The following NHSL2 variants were observed in gnomAD, a reference collection of about 807,000 sequenced individuals.
NHSL2 encodes the protein NHS-like protein 2.
Under a neutral mutation model 53.4 loss-of-function variants are expected in NHSL2, and 27 were observed. That is an observed-to-expected ratio of 0.51 (90% CI 0.37 to 0.70). NHSL2 has a LOEUF of 0.70. Among genes scored for constraint, NHSL2 ranks in the 30% least tolerant of loss-of-function variants. The pLI is 0.00. For missense variants in NHSL2, 892 were observed against 980.1 expected (o/e 0.91, Z 1.20); for synonymous variants, 408 against 404.1 (o/e 1.01, Z -0.12).
intron 1 of NHSL2, among the ~76,000 whole-genome samples, chrX:71,934,917 C>T (rs1304636480): frequency 8.9e-6 from 1 of 112,320 alleles, no homozygotes. Flanking sequence ...CAAGACATAC[C>T]TGAGTGATAA....
intron 1 of NHSL2, among the ~76,000 whole-genome samples, chrX:72,014,109 C>T (rs2042126441): frequency 8.9e-6 from 1 of 111,909 alleles, no homozygotes; most frequent in Non-Finnish European, 1.9e-5. Context: ...TAGCATTGTT[C>T]ATAGTATTCC....
At chrX:72,096,672 T>G (rs2041946220) in intron 1 of NHSL2, among the ~76,000 whole-genome samples, 1 of 112,696 alleles carries the variant, frequency 8.9e-6, no homozygotes, top group Admixed American at 9.3e-5. Context: ...TGTATAGTGA[T>G]CAGATCAGGG....
rs2042493348 is a variant in NHSL2 at position 72,149,393 on chromosome X, A to G, written c.*5819A>G. On this transcript the variant is annotated 3_prime_UTR_variant, in exon 8 of 8. Coordinates refer to ENST00000633930, the MANE Select transcript of NHSL2 (RefSeq NM_001013627.3). ...TAGAATTTGATAGCAACGAACTCCA[A>G]AACAAAATCTGAACTGGAACAACTA... The G allele has an allele frequency of 8.9e-6, 1 of 111,840 alleles. No individual in the cohort carries two copies. The highest frequency in any genetic ancestry group is 3.3e-5 in the African/African-American group (1 of 30,756). 9.2% of individuals were successfully genotyped at this position (111,840 alleles called of 1,213,427 possible). A position where few individuals can be genotyped will look rare whatever the true frequency, so the allele number is the denominator to read the frequency against.
intron 1 of NHSL2, among the ~76,000 whole-genome samples, chrX:71,969,731 A>G (rs904204136): frequency 1.8e-5 from 2 of 112,573 alleles, no homozygotes; most frequent in Non-Finnish European, 3.8e-5. Context: ...ACAAATAGAG[A>G]TAGTTTTACT....
intron 1 of NHSL2, among the ~76,000 whole-genome samples, chrX:71,953,428 A>C (rs888572162): frequency 3.6e-5 from 4 of 112,101 alleles, no homozygotes; most frequent in African/African-American, 1.3e-4. Flanking sequence ...ATTTACATCA[A>C]TGAGTCACAG....
intron 1 of NHSL2, among the ~76,000 whole-genome samples, chrX:71,938,331 G>A (rs1482128703): frequency 1.8e-5 from 2 of 112,042 alleles, no homozygotes; most frequent in Non-Finnish European, 3.8e-5. Context: ...CCTTCCCCTT[G>A]GAAGTTCGCC....
intron 1 of NHSL2, among the ~76,000 whole-genome samples, chrX:71,937,608 T>A (rs2041745535): frequency 8.9e-6 from 1 of 112,313 alleles, no homozygotes; most frequent in Admixed American, 9.4e-5. Context: ...TTACCCTTAC[T>A]AATATGCTTA....
At chrX:71,972,853 C>A (rs146355012) in intron 1 of NHSL2, among the ~76,000 whole-genome samples, 1,677 of 84,261 alleles carry the variant, frequency 0.02, 37 homozygotes, top group African/African-American at 0.074. Flanking sequence ...ATCTCTATTG[C>A]CTATCTTTAT....
Position 71,945,358 on chromosome X carries a change from C to T in NHSL2, c.280+33991C>T, listed in dbSNP as rs181936250. 1.5e-4 allele frequency among the ~76,000 whole-genome samples: 17 copies of T among 112,069 alleles called. No individual in the cohort carries two copies. In the Admixed American group the frequency reaches 1.6e-3, roughly 11 times the overall value. On this transcript the variant is annotated intron_variant, in intron 1 of 7. Transcript: ENST00000633930. Reference sequence around the variant, plus strand: ...CTGAGAAGTCCCCTTTCTTCTGTCTCGCAGCTGACGAAGCATTCTGTTGGA... The same window carrying T: ...CTGAGAAGTCCCCTTTCTTCTGTCTTGCAGCTGACGAAGCATTCTGTTGGA...
chrX:71,978,084 G>A (rs142234174), intron 1 of NHSL2, among the ~76,000 whole-genome samples: 1,624 of 112,171 alleles, frequency 0.014, 38 homozygotes, highest in African/African-American at 0.049. Flanking sequence ...CTATCATGGG[G>A]TTGTTATGAG....
At chrX:72,038,614 G>C (rs2042253839) in intron 1 of NHSL2, among the ~76,000 whole-genome samples, 1 of 111,895 alleles carries the variant, frequency 8.9e-6, no homozygotes, top group Non-Finnish European at 1.9e-5. Context: ...TGTTTTGCAT[G>C]TTTTAAGCTG....
intron 1 of NHSL2, among the ~76,000 whole-genome samples, chrX:72,042,901 G>A (rs745663890): frequency 3.6e-5 from 4 of 111,296 alleles, no homozygotes; most frequent in South Asian, 3.8e-4. Flanking sequence ...TGAACCAGGT[G>A]TAGACATGTA....
At chrX:72,018,335 C>T (rs2042143958) in intron 1 of NHSL2, among the ~76,000 whole-genome samples, 1 of 112,027 alleles carries the variant, frequency 8.9e-6, no homozygotes, top group Admixed American at 9.3e-5. Context: ...CCGGCCCTCG[C>T]CTCACCGTTC....
At chrX:72,006,524 C>T (rs2042094954) in intron 1 of NHSL2, among the ~76,000 whole-genome samples, 1 of 112,330 alleles carries the variant, frequency 8.9e-6, no homozygotes, top group Non-Finnish European at 1.9e-5. Context: ...TGCATTTCCC[C>T]AACCCCTCAG....
chrX:71,976,203 T>G (rs2041947466), intron 1 of NHSL2, among the ~76,000 whole-genome samples: 1 of 112,149 alleles, frequency 8.9e-6, no homozygotes, highest in Non-Finnish European at 1.9e-5. Context: ...AGTCTTGTGG[T>G]GAAGGGCTTG....
chrX:71,936,600 G>C (rs2147826575), intron 1 of NHSL2, among the ~76,000 whole-genome samples: 1 of 112,293 alleles, frequency 8.9e-6, no homozygotes, highest in Admixed American at 9.4e-5. Context: ...GATGATTTTT[G>C]TTTGCAAGGG....
At chrX:72,014,366 G>A (rs1038242903) in intron 1 of NHSL2, among the ~76,000 whole-genome samples, 18 of 111,445 alleles carry the variant, frequency 1.6e-4, no homozygotes, top group Non-Finnish European at 3.2e-4. Context: ...GTTACTTGAG[G>A]TAGGAACTTA....
chrX:71,930,749 T>G (rs185807171), intron 1 of NHSL2, among the ~76,000 whole-genome samples: 20 of 112,899 alleles, frequency 1.8e-4, no homozygotes, highest in African/African-American at 5.5e-4. Context: ...CTGAGTAATA[T>G]TCCATTGTAT....
intron 1 of NHSL2, among the ~76,000 whole-genome samples, chrX:71,946,635 A>T (rs1381578490): frequency 8.9e-6 from 1 of 111,951 alleles, no homozygotes; most frequent in South Asian, 3.8e-4. Context: ...AGCCCATATC[A>T]TCTTATATCT....
Sources: allele counts gnomAD v4.1 joint callset (sites outside exome capture counted in the v4.1 genomes callset), GRCh38; gene constraint gnomAD v4.1.1; transcripts MANE v1.5; gene names NCBI Gene and HGNC (gene_info 2026-07-23, HGNC 2026-07-21).